Variants in GALNTL6 observed in about 807,000 individuals in gnomAD.
GALNTL6 encodes polypeptide N-acetylgalactosaminyltransferase-like 6.
Under a neutral mutation model 73.7 loss-of-function variants are expected in GALNTL6, and 46 were observed. The ratio of observed to expected loss-of-function variants is 0.62; its 90% CI spans 0.49 to 0.80. The LOEUF (loss-of-function observed/expected upper bound fraction) is 0.80, where lower values mean the gene tolerates loss of function less well. Among genes scored for constraint, GALNTL6 ranks in the 30% least tolerant of loss-of-function variants. The probability of loss-of-function intolerance (pLI) is 0.00; values close to 1 mark genes in which losing one functional copy is unlikely to be tolerated. For synonymous variants in GALNTL6, 259 were observed against 263.7 expected (o/e 0.98, Z 0.17); for missense variants, 604 against 755.0 (o/e 0.80, Z 2.34).
intron 7 of GALNTL6, among the ~76,000 whole-genome samples, chr4:172,842,617 T>C (rs556043570): frequency 1.8e-3 from 276 of 152,106 alleles, no homozygotes; most frequent in Non-Finnish European, 3.0e-3. Context: ...ATAATTTTAG[T>C]TTTGAAAAGA....
chr4:171,821,344 T>G (rs1317494260), intron 2 of GALNTL6, among the ~76,000 whole-genome samples: 1 of 152,096 alleles, frequency 6.6e-6, no homozygotes, highest in East Asian at 1.9e-4. Context: ...CCCAGCCTTG[T>G]GCCCTTATTT....
chr4:172,429,195 ATTATT>A (rs70944409), intron 5 of GALNTL6, among the ~76,000 whole-genome samples: 1 of 133,748 alleles, frequency 7.5e-6, no homozygotes, highest in Admixed American at 7.7e-5. Context: ...TTTATTTTAT[ATTATT>A]TTATTTTATT....
chr4:172,645,572 A>G (rs1242746843), intron 5 of GALNTL6, among the ~76,000 whole-genome samples: 2 of 151,766 alleles, frequency 1.3e-5, no homozygotes, highest in Non-Finnish European at 2.9e-5. Context: ...TTTGTTCCCT[A>G]TAGGAGCAAA....
intron 2 of GALNTL6, among the ~76,000 whole-genome samples, chr4:172,026,319 T>C (rs1741575543): frequency 6.6e-6 from 1 of 152,054 alleles, no homozygotes; most frequent in Non-Finnish European, 1.5e-5. Context: ...AACTCTTTTT[T>C]CCCCAGCCTC....
chr4:171,821,640 G>GATATATAT (rs3080305), intron 2 of GALNTL6, among the ~76,000 whole-genome samples: 2,354 of 146,134 alleles, frequency 0.016, 70 homozygotes, highest in African/African-American at 0.054. Flanking sequence ...AGGCTTAACG[G>GATATATAT]ATATATATAT....
intron 2 of GALNTL6, among the ~76,000 whole-genome samples, chr4:172,143,083 C>T (rs1029043521): frequency 6.6e-6 from 1 of 152,018 alleles, no homozygotes; most frequent in African/African-American, 2.4e-5. Flanking sequence ...ATGTTGGATA[C>T]TGGAGAAATA....
intron 5 of GALNTL6, among the ~76,000 whole-genome samples, chr4:172,494,733 T>G (rs1227332538): frequency 6.6e-6 from 1 of 152,032 alleles, no homozygotes; most frequent in Non-Finnish European, 1.5e-5. Flanking sequence ...TGTTCAAGGG[T>G]AGGAAGCATC....
chr4:172,450,633 T>C (rs1732176167), intron 5 of GALNTL6, among the ~76,000 whole-genome samples: 1 of 152,192 alleles, frequency 6.6e-6, no homozygotes, highest in African/African-American at 2.4e-5. Context: ...TGCCTGTGAG[T>C]TCCTTGTGTT....
intron 2 of GALNTL6, among the ~76,000 whole-genome samples, chr4:172,110,096 C>G (rs1732810417): frequency 6.6e-6 from 1 of 152,070 alleles, no homozygotes; most frequent in Non-Finnish European, 1.5e-5. Flanking sequence ...ATCTTGGACT[C>G]TAGAACTTTT....
In GALNTL6 at chr4:172,902,624, C is replaced by T. The variant is rs572752110; in HGVS notation, c.1041+19717C>T. Among the ~76,000 whole-genome samples, 155 of 152,292 alleles carry T rather than the reference C, an allele frequency of 1.0e-3. 1 individual carries two copies. The highest frequency in any genetic ancestry group is 3.6e-3 in the African/African-American group (150 of 41,568). ...AGGTTCCAGTTGAGACAAGTATGAA[C>T]ACCATCTGTCCTAGAATGAATCTAA... is the stretch of plus-strand genomic sequence containing the variant. On this transcript the variant is annotated intron_variant, in intron 8 of 12. Coordinates refer to ENST00000506823, the MANE Select transcript of GALNTL6 (RefSeq NM_001034845.3).
intron 7 of GALNTL6, among the ~76,000 whole-genome samples, chr4:172,871,985 G>A (rs1203719579): frequency 6.6e-6 from 1 of 152,092 alleles, no homozygotes; most frequent in East Asian, 1.9e-4. Flanking sequence ...TAGAGACGGG[G>A]TTTCACCATG....
At chr4:172,758,929 G>A (rs75997893) in intron 5 of GALNTL6, among the ~76,000 whole-genome samples, 14,126 of 152,214 alleles carry the variant, frequency 0.093, 886 homozygotes, top group East Asian at 0.21. Flanking sequence ...GTCCCAAGGG[G>A]GGACTATTGT....
chr4:172,774,951 C>G (rs552352915), intron 5 of GALNTL6, among the ~76,000 whole-genome samples: 1 of 135,708 alleles, frequency 7.4e-6, no homozygotes, highest in Non-Finnish European at 1.5e-5. Context: ...CAGAGCGAGG[C>G]TCCATCTCAA....
At chr4:172,872,909 C>T (rs1211683199) in intron 7 of GALNTL6, among the ~76,000 whole-genome samples, 52 of 152,290 alleles carry the variant, frequency 3.4e-4, no homozygotes, top group Non-Finnish European at 1.5e-5. Flanking sequence ...ATGGCACTAG[C>T]AAAAGTGCCT....
intron 2 of GALNTL6, among the ~76,000 whole-genome samples, chr4:172,167,390 A>G (rs541526931): frequency 2.7e-4 from 41 of 152,298 alleles, no homozygotes; most frequent in African/African-American, 9.9e-4. Flanking sequence ...ATGTTGTGTC[A>G]TGTATAGCAC....
chr4:172,361,025 T>A (rs1742347877), intron 5 of GALNTL6, among the ~76,000 whole-genome samples: 1 of 152,102 alleles, frequency 6.6e-6, no homozygotes, highest in Admixed American at 6.6e-5. Context: ...ACAACATACC[T>A]CCTTAGTTTA....
intron 2 of GALNTL6, among the ~76,000 whole-genome samples, chr4:172,058,525 T>G (rs1731099085): frequency 6.6e-6 from 1 of 151,900 alleles, no homozygotes; most frequent in Admixed American, 6.6e-5. Flanking sequence ...CACTTAGGAG[T>G]TGTTTTGTGT....
chr4:172,010,589 A>G (rs1265833033), intron 2 of GALNTL6, among the ~76,000 whole-genome samples: 1 of 37,264 alleles, frequency 2.7e-5, no homozygotes, highest in African/African-American at 6.4e-5. Context: ...TGCTATTATT[A>G]AAATTTGGAA....
intron 9 of GALNTL6, among the ~76,000 whole-genome samples, chr4:172,949,338 A>C (rs1212637763): frequency 3.3e-5 from 5 of 152,222 alleles, no homozygotes; most frequent in African/African-American, 9.6e-5. Flanking sequence ...CCTGAGGGAC[A>C]GATCTTTTCT....
Sources: gnomAD v4.1 joint callset for allele counts (sites outside exome capture counted in the v4.1 genomes callset) on GRCh38, gnomAD v4.1.1 for gene constraint, MANE v1.5 for transcripts, NCBI Gene and HGNC (gene_info 2026-07-23, HGNC 2026-07-21) for gene names.